Variants in IL2RA observed in about 807,000 individuals in gnomAD.
IL2RA encodes the protein interleukin-2 receptor subunit alpha.
IL2RA carries 24 observed loss-of-function variants against 37.8 expected under a neutral mutation model. The ratio of observed to expected loss-of-function variants is 0.63; its 90% CI spans 0.46 to 0.89. IL2RA has a LOEUF of 0.89. Among genes scored for constraint, IL2RA ranks in the 40% least tolerant of loss-of-function variants. The pLI, the probability that IL2RA is intolerant of heterozygous loss-of-function variation, is 0.00. For synonymous variants in IL2RA, 125 were observed against 114.6 expected, an observed-to-expected ratio of 1.09 and a Z score of -0.58; for missense variants, 319 against 348.6, an observed-to-expected ratio of 0.92 and a Z score of 0.68.
intron 1 of IL2RA, among the ~76,000 whole-genome samples, chr10:6,030,677 TA>T (rs1261466888): frequency 2.6e-5 from 4 of 152,086 alleles, no homozygotes; most frequent in Non-Finnish European, 5.9e-5. Context: ...GCTAGAAACA[TA>T]AATCGACATG....
At chr10:6,017,405 T>C (rs543140865) in intron 7 of IL2RA, among the ~76,000 whole-genome samples, 22 of 152,154 alleles carry the variant, frequency 1.4e-4, no homozygotes, top group African/African-American at 5.3e-4. Context: ...TGGCCTCTGC[T>C]GTGCCATCTT....
In IL2RA at chr10:6,034,724, T is replaced by G. The variant is rs530888020; in HGVS notation, c.65-8699A>C. Among the ~76,000 whole-genome samples the G allele has an allele frequency of 4.6e-5, 7 of 152,330 alleles. No homozygotes were observed. The South Asian group carries it at 6.2e-4, about 14-fold the overall frequency. Reference sequence around the variant, plus strand: ...CAAGGGCTTTTCTCTGCCTTTACACTTCCTCCTGTCTTTCCAGACCCACTT... The same window carrying G: ...CAAGGGCTTTTCTCTGCCTTTACACGTCCTCCTGTCTTTCCAGACCCACTT... On this transcript the variant is annotated intron_variant, in intron 1 of 7. Coordinates refer to ENST00000379959, the MANE Select transcript of IL2RA (RefSeq NM_000417.3).
intron 1 of IL2RA, among the ~76,000 whole-genome samples, chr10:6,040,821 G>C (rs1839759395): frequency 1.3e-5 from 2 of 152,178 alleles, no homozygotes. Context: ...CATTCTATGT[G>C]AGGAATTTAA....
At chr10:6,041,410 C>T (rs899959724) in intron 1 of IL2RA, among the ~76,000 whole-genome samples, 7 of 151,918 alleles carry the variant, frequency 4.6e-5, no homozygotes, top group South Asian at 2.1e-4. Flanking sequence ...CCACTGCGCC[C>T]GGCCAATGGT....
Position 6,028,036 on chromosome 10 carries a change from CAGGTGCTGAACAACAGGCAGCTCAGGGCT to C in IL2RA, c.65-2040_65-2012del, listed in dbSNP as rs1388637076. 6.6e-6 allele frequency among the ~76,000 whole-genome samples: 1 copy of C among 152,198 alleles called. No homozygotes were observed. The highest frequency in any genetic ancestry group is 1.5e-5 in the Non-Finnish European group (1 of 68,046). ...TCCAAATGTATACAGCAAGTGCTTT[CAGGTGCTGAACAACAGGCAGCTCAGGGCT>C]ACATGATTTTGGAGGAGGGAAACAC... On this transcript the variant is annotated intron_variant, in intron 1 of 7. Coordinates refer to ENST00000379959, the MANE Select transcript of IL2RA (RefSeq NM_000417.3). This position sits in a 1 kb window ranked among gnomAD's most constrained non-coding sequence, Gnocchi z 4.1.
rs1256707084 is a variant in IL2RA at position 6,056,902 on chromosome 10, G to A, written c.64+5186C>T. Among the ~76,000 whole-genome samples, 7 of 152,126 alleles carry A rather than the reference G, an allele frequency of 4.6e-5. No individual in the cohort carries two copies. The highest frequency in any genetic ancestry group is 1.3e-4 in the Admixed American group (2 of 15,280). On this transcript the variant is annotated intron_variant, in intron 1 of 7. Transcript: ENST00000379959. The surrounding 1 kb of genome is among the most constrained non-coding windows in gnomAD (Gnocchi z 5.0). Reference sequence around the variant, plus strand: ...CTACACAAGCAAACAAACAGCAGAGGACCCCGCCCTCCCTGTCCAGGGCAG... The same window carrying A: ...CTACACAAGCAAACAAACAGCAGAGAACCCCGCCCTCCCTGTCCAGGGCAG...
chr10:6,031,056 A>G (rs1388928223), intron 1 of IL2RA, among the ~76,000 whole-genome samples: 1 of 152,062 alleles, frequency 6.6e-6, no homozygotes, highest in Admixed American at 6.6e-5. Context: ...TAGAGTAATA[A>G]AAATAGAAAA....
chr10:6,012,263 C>T lies in IL2RA; in HGVS notation c.*609G>A, dbSNP rs764877940. ...TTTTAGAAATTCAAGACTGAAGGCT[C>T]AGTAGAAGGGGGTTAGCTTAGAGGA... is the stretch of plus-strand genomic sequence containing the variant. On this transcript the variant is annotated 3_prime_UTR_variant, in exon 8 of 8. Coordinates refer to ENST00000379959, the MANE Select transcript of IL2RA (RefSeq NM_000417.3). The surrounding 1 kb of genome is among the most constrained non-coding windows in gnomAD (Gnocchi z 4.8). 2.0e-5 allele frequency: 3 copies of T among 152,998 alleles called. No individual in the cohort carries two copies. The highest frequency in any genetic ancestry group is 4.8e-5 in the African/African-American group (2 of 41,412). 9.5% of individuals were successfully genotyped at this position (152,998 alleles called of 1,614,324 possible). A position where few individuals can be genotyped will look rare whatever the true frequency, so the allele number is the denominator to read the frequency against.
chr10:6,031,444 A>G (rs185707471), intron 1 of IL2RA, among the ~76,000 whole-genome samples: 4,320 of 46,258 alleles, frequency 0.093, 184 homozygotes, highest in East Asian at 0.28. Context: ...CAATTTCAGT[A>G]TATATATATA....
In IL2RA at chr10:6,028,881, C is replaced by G. The variant is rs1183368546; in HGVS notation, c.65-2856G>C. Among the ~76,000 whole-genome samples, 1 of 151,772 alleles carries G rather than the reference C, an allele frequency of 6.6e-6. No individual in the cohort carries two copies. The highest frequency in any genetic ancestry group is 1.5e-5 in the Non-Finnish European group (1 of 67,948). On this transcript the variant is annotated intron_variant, in intron 1 of 7. Coordinates refer to ENST00000379959, the MANE Select transcript of IL2RA (RefSeq NM_000417.3). This position sits in a 1 kb window ranked among gnomAD's most constrained non-coding sequence, Gnocchi z 4.1. ...GAGTGTGGCAGCGCATGTCTGTAGT[C>G]CCAGGTACTTGGGAGGCTGAGGCAG...
At chr10:6,049,703 T>C (rs1032922061) in intron 1 of IL2RA, among the ~76,000 whole-genome samples, 1 of 152,170 alleles carries the variant, frequency 6.6e-6, no homozygotes, top group Non-Finnish European at 1.5e-5. Context: ...ACTGTATCCA[T>C]CTCCCTCCCA....
chr10:6,030,315 C>T (rs1272945296), intron 1 of IL2RA, among the ~76,000 whole-genome samples: 4 of 152,058 alleles, frequency 2.6e-5, no homozygotes, highest in Non-Finnish European at 2.9e-5. Context: ...AAGCAAGATA[C>T]GTATAAAGAA....
intron 6 of IL2RA, 89 bp downstream of exon 6, chr10:6,019,315 TCAACCAACTAACCAACCTACCAGC>T (rs1428636398): frequency 7.2e-6 from 6 of 830,590 alleles, no homozygotes; most frequent in East Asian, 4.8e-5. Flanking sequence ...AACCTACCAG[TCAACCAACTAACCAACCTACCAGC>T]CAACCAACTA....
intron 7 of IL2RA, among the ~76,000 whole-genome samples, chr10:6,016,272 A>G (rs539124069): frequency 2.6e-5 from 4 of 152,322 alleles, no homozygotes; most frequent in African/African-American, 9.6e-5. Flanking sequence ...AGGATGACGT[A>G]GCACAAACGC....
At position 6,014,087 on chromosome 10, in the gene IL2RA, G is replaced by C. The variant is rs761381914; in HGVS notation, c.795-1191C>G. 1.3e-5 allele frequency among the ~76,000 whole-genome samples: 2 copies of C among 152,060 alleles called. No individual in the cohort carries two copies. The highest frequency in any genetic ancestry group is 2.4e-5 in the African/African-American group (1 of 41,412). On this transcript the variant is annotated intron_variant, in intron 7 of 7. Transcript: ENST00000379959. The surrounding 1 kb of genome is among the most constrained non-coding windows in gnomAD (Gnocchi z 4.4). ...TCTCACCTTAGTCTCCCGAAGTGCA[G>C]GAATTACAGGCAGGAGCTACTGCTC...
In IL2RA at chr10:6,046,608, C is replaced by G. The variant is rs1839864732; in HGVS notation, c.64+15480G>C. On this transcript the variant is annotated intron_variant, in intron 1 of 7. Coordinates refer to ENST00000379959, the MANE Select transcript of IL2RA (RefSeq NM_000417.3). This position sits in a 1 kb window ranked among gnomAD's most constrained non-coding sequence, Gnocchi z 4.8. ...TGCTGAGTTTAGTCTTTGTATTCAT[C>G]TGTGAGTGGGTCAAAATGCCTGTCT... 6.6e-6 allele frequency among the ~76,000 whole-genome samples: 1 copy of G among 152,204 alleles called. No homozygotes were observed.
In IL2RA at chr10:6,011,679, A is replaced by G. The variant is rs1350284230; in HGVS notation, c.*1193T>C. Reference sequence around the variant, plus strand: ...TGCCTCAGCCTCCTGAGTGGCTAGGACTACAGGCGTATGCCACCACATCCA... The same window carrying G: ...TGCCTCAGCCTCCTGAGTGGCTAGGGCTACAGGCGTATGCCACCACATCCA... On this transcript the variant is annotated 3_prime_UTR_variant, in exon 8 of 8. Coordinates refer to ENST00000379959, the MANE Select transcript of IL2RA (RefSeq NM_000417.3). This position sits in a 1 kb window ranked among gnomAD's most constrained non-coding sequence, Gnocchi z 5.2. The G allele has an allele frequency of 1.3e-5, 2 of 152,442 alleles. No homozygotes were observed. The highest frequency in any genetic ancestry group is 2.9e-5 in the Non-Finnish European group (2 of 68,278). 9.4% of individuals were successfully genotyped at this position (152,442 alleles called of 1,614,324 possible). A position where few individuals can be genotyped will look rare whatever the true frequency, so the allele number is the denominator to read the frequency against.
chr10:6,042,531 C>G (rs1839788635), intron 1 of IL2RA, among the ~76,000 whole-genome samples: 1 of 151,808 alleles, frequency 6.6e-6, no homozygotes, highest in Non-Finnish European at 1.5e-5. Context: ...ATGGAACAAG[C>G]AAAAGAAATT....
Position 6,020,097 on chromosome 10 carries a change from C to T in IL2RA, c.584-156G>A, listed in dbSNP as rs913780664. On this transcript the variant is annotated intron_variant, in intron 4 of 7. Transcript: ENST00000379959. This position sits in a 1 kb window ranked among gnomAD's most constrained non-coding sequence, Gnocchi z 5.6. ...CCAGGGATGCCACCCCTCATGGTTC[C>T]ACAGCAGGGGCACTGGGAAGCGGTG... Among the ~76,000 whole-genome samples the T allele has an allele frequency of 6.6e-6, 1 of 152,166 alleles. No individual in the cohort carries two copies. The highest frequency in any genetic ancestry group is 2.4e-5 in the African/African-American group (1 of 41,440).
Sources: gnomAD v4.1 joint callset for allele counts (sites outside exome capture counted in the v4.1 genomes callset) on GRCh38, gnomAD v4.1.1 for gene constraint, Gnocchi (gnomAD v3.1) non-coding constraint, MANE v1.5 for transcripts, NCBI Gene and HGNC (gene_info 2026-07-23, HGNC 2026-07-21) for gene names.